Variants in GRIP1 observed in about 807,000 individuals in gnomAD.
The protein encoded by GRIP1 is glutamate receptor interacting protein 1.
Under a neutral mutation model 129.9 loss-of-function variants are expected in GRIP1, and 45 were observed. The observed-to-expected ratio is 0.35, with a 90% CI of 0.27 to 0.44. GRIP1 has a LOEUF of 0.44. Ranked by LOEUF, GRIP1 falls within the 20% of genes least tolerant of loss-of-function variation. The probability of loss-of-function intolerance (pLI) is 1.00; values close to 1 mark genes in which losing one functional copy is unlikely to be tolerated. For synonymous variants in GRIP1, 530 were observed against 520.8 expected (o/e 1.02, Z -0.24); for missense variants, 1,196 against 1,396.8 (o/e 0.86, Z 2.29).
At chr12:66,738,039 C>A (rs1179102356) in intron 1 of GRIP1, among the ~76,000 whole-genome samples, 1 of 152,062 alleles carries the variant, frequency 6.6e-6, no homozygotes, top group East Asian at 1.9e-4. Flanking sequence ...GAATTCACTT[C>A]TGGTGCCTGG....
chr12:67,045,319 T>C (rs1355805918), intron 1 of GRIP1, among the ~76,000 whole-genome samples: 1 of 152,038 alleles, frequency 6.6e-6, no homozygotes, highest in Non-Finnish European at 1.5e-5. Context: ...CAGAGAGAAA[T>C]TCTACATGAA....
chr12:66,527,995 T>C (rs2061314299), intron 5 of GRIP1, among the ~76,000 whole-genome samples: 1 of 152,140 alleles, frequency 6.6e-6, no homozygotes, highest in South Asian at 2.1e-4. Context: ...AAAAAATCCC[T>C]GATGTTTATA....
intron 1 of GRIP1, among the ~76,000 whole-genome samples, chr12:66,695,780 C>G (rs1001953740): frequency 6.6e-6 from 1 of 152,132 alleles, no homozygotes; most frequent in African/African-American, 2.4e-5. Flanking sequence ...TATCTTTAAA[C>G]AAGTAACAAT....
At chr12:66,961,318 T>C (rs1373820206) in intron 1 of GRIP1, among the ~76,000 whole-genome samples, 1 of 151,472 alleles carries the variant, frequency 6.6e-6, no homozygotes, top group Non-Finnish European at 1.5e-5. Flanking sequence ...CAACAAACAG[T>C]GCTAGGGAAG....
chr12:66,662,100 A>G (rs1473161364), intron 1 of GRIP1, among the ~76,000 whole-genome samples: 4 of 152,126 alleles, frequency 2.6e-5, no homozygotes, highest in Non-Finnish European at 5.9e-5. Context: ...AGAATTAAGA[A>G]AACAATCAAT....
Position 66,541,815 on chromosome 12 carries a change from C to A in GRIP1, c.272G>T (p.Arg91Ile). 6.2e-7 allele frequency: 1 copy of A among 1,613,936 alleles called. No homozygotes were observed. Residue 91 changes from arginine to isoleucine, a missense_variant and splice_region_variant, in exon 3 of 25, where the codon AGA becomes ATA. Transcript: ENST00000359742. ...GTAGATTTCCCCAAGAGGCAGTTAC[C>A]TAGCAGCAATTCCTCCTTGCCGCAG... is the stretch of plus-strand genomic sequence containing the variant. ...SNLRQGGIAA[R>I]SDQLDVGDYI...
At chr12:66,584,058 C>T (rs1307764845) in intron 2 of GRIP1, among the ~76,000 whole-genome samples, 2 of 148,710 alleles carry the variant, frequency 1.3e-5, no homozygotes, top group Admixed American at 6.8e-5. Context: ...CACATATATA[C>T]CATGGAATAC....
intron 1 of GRIP1, among the ~76,000 whole-genome samples, chr12:66,842,608 T>C (rs978699378): frequency 3.9e-5 from 6 of 152,200 alleles, no homozygotes; most frequent in Non-Finnish European, 5.9e-5. Flanking sequence ...GTATATCTTT[T>C]GGGGATAAGA....
chr12:66,401,609 T>TATATATACACAC lies in GRIP1; in HGVS notation c.1984+4673_1984+4674insGTGTGTATATAT, dbSNP rs1169241331. Among the ~76,000 whole-genome samples the TATATATACACAC allele has an allele frequency of 6.7e-4, 74 of 110,186 alleles. 4 individuals carry two copies. The highest frequency in any genetic ancestry group is 2.6e-3 in the African/African-American group (70 of 26,810). 72.3% of individuals were successfully genotyped at this position (110,186 alleles called of 152,430 possible). On this transcript the variant is annotated intron_variant, in intron 16 of 24. Transcript: ENST00000359742. ...AAAAAAATATGTGTGTATATATATA[T>TATATATACACAC]ACACACACACACACACACACACACA...
intron 1 of GRIP1, among the ~76,000 whole-genome samples, chr12:66,655,636 G>GTCTCGC (rs1270937859): frequency 7.5e-6 from 1 of 133,942 alleles, no homozygotes; most frequent in Admixed American, 8.0e-5. Context: ...TTGAGACAGA[G>GTCTCGC]TCTCGCTCTG....
At chr12:66,481,493 G>A (rs1221486367) in intron 7 of GRIP1, among the ~76,000 whole-genome samples, 2 of 152,204 alleles carry the variant, frequency 1.3e-5, no homozygotes, top group Non-Finnish European at 2.9e-5. Context: ...CTTTTACACT[G>A]TTGGTGGAAG....
At chr12:66,978,974 G>A (rs1389197315) in intron 1 of GRIP1, among the ~76,000 whole-genome samples, 3 of 151,796 alleles carry the variant, frequency 2.0e-5, no homozygotes, top group African/African-American at 7.3e-5. Flanking sequence ...ACAGAGGCCA[G>A]CCAAGCTTTA....
At chr12:67,000,348 T>G (rs1441928357) in intron 1 of GRIP1, among the ~76,000 whole-genome samples, 1 of 152,194 alleles carries the variant, frequency 6.6e-6, no homozygotes, top group Non-Finnish European at 1.5e-5. Flanking sequence ...TTAGCTATAT[T>G]TCTCCGAATC....
At chr12:66,493,320 G>C (rs1481643995) in intron 7 of GRIP1, among the ~76,000 whole-genome samples, 1 of 152,148 alleles carries the variant, frequency 6.6e-6, no homozygotes, top group Non-Finnish European at 1.5e-5. Flanking sequence ...TAGCATTGTA[G>C]AGTGGTCCAA....
intron 1 of GRIP1, among the ~76,000 whole-genome samples, chr12:66,980,065 C>T (rs141418541): frequency 1.2e-3 from 185 of 152,274 alleles, no homozygotes; most frequent in Middle Eastern, 6.8e-3. Flanking sequence ...CTGCAGCACC[C>T]CTCTTTCATA....
intron 24 of GRIP1, 42 bp downstream of exon 24, chr12:66,353,375 G>C (rs1428307267): frequency 1.4e-6 from 2 of 1,460,192 alleles, no homozygotes; most frequent in Admixed American, 1.7e-5. Flanking sequence ...CTCCCAGTGA[G>C]AAATTACTTG....
At chr12:66,639,868 T>C (rs1292241727) in intron 1 of GRIP1, among the ~76,000 whole-genome samples, 1 of 152,172 alleles carries the variant, frequency 6.6e-6, no homozygotes, top group South Asian at 2.1e-4. Flanking sequence ...ACAGTTACAC[T>C]AGTAGAATTA....
chr12:66,888,338 G>A (rs1851683678), intron 1 of GRIP1, among the ~76,000 whole-genome samples: 1 of 151,842 alleles, frequency 6.6e-6, no homozygotes, highest in African/African-American at 2.4e-5. Context: ...TAGGATTACA[G>A]GCATGAACCA....
intron 2 of GRIP1, among the ~76,000 whole-genome samples, chr12:66,587,955 T>A (rs2063704673): frequency 6.6e-6 from 1 of 152,160 alleles, no homozygotes; most frequent in South Asian, 2.1e-4. Flanking sequence ...TTTAGAAATG[T>A]ATAAGAATAT....
Sources: allele counts gnomAD v4.1 joint callset (sites outside exome capture counted in the v4.1 genomes callset), GRCh38; gene constraint gnomAD v4.1.1; transcripts MANE v1.5; gene names NCBI Gene and HGNC (gene_info 2026-07-23, HGNC 2026-07-21).